Variants in SELE observed in about 807,000 individuals in gnomAD.
SELE encodes E-selectin.
In SELE, 52 loss-of-function variants were observed where a neutral mutation model predicts 75.8. The observed-to-expected ratio is 0.69, with a 90% CI of 0.55 to 0.86. The LOEUF (loss-of-function observed/expected upper bound fraction) is 0.86. Ranked by LOEUF, SELE falls within the 40% of genes least tolerant of loss-of-function variation. The pLI, the probability that SELE is intolerant of heterozygous loss-of-function variation, is 0.00. For synonymous variants in SELE, 285 were observed against 258.7 expected, an observed-to-expected ratio of 1.10 and a Z score of -0.98; for missense variants, 754 against 732.7, an observed-to-expected ratio of 1.03 and a Z score of -0.34.
chr1:169,728,129 A>C lies in SELE; in HGVS notation c.1208T>G (p.Val403Gly), dbSNP rs918712060. 2.5e-6 allele frequency: 4 copies of C among 1,614,156 alleles called. No individual in the cohort carries two copies. The highest frequency in any genetic ancestry group is 1.7e-6 in the Non-Finnish European group (2 of 1,180,014). Residue 403 changes from valine to glycine, a missense_variant, in exon 8 of 14, where the codon GTG (valine) becomes GGG (glycine). Physicochemically the swap from Val to Gly is moderately radical, Grantham distance 109. Coordinates refer to ENST00000333360, the MANE Select transcript of SELE (RefSeq NM_000450.2). ...TTGGAGCCTTTTGGATCCCTTCAAC[A>C]CAAAACCCTGCTCACAGGAGAACTC... ...SCEFSCEQGFVLKGSKRLQCG... is the reference protein window; with the variant it reads ...SCEFSCEQGFGLKGSKRLQCG...
rs1648779266 is a variant in SELE, at chr1:169,726,578, AT to A, written c.1753+120del. 3 of 743,018 alleles carry A rather than the reference AT, an allele frequency of 4.0e-6. No individual in the cohort carries two copies. In the Admixed American group the frequency reaches 7.0e-5, roughly 17 times the overall value. 46.0% of individuals were successfully genotyped at this position (743,018 alleles called of 1,614,324 possible). On this transcript the variant is annotated intron_variant, in intron 11 of 13. Transcript: ENST00000333360. ...CTTTTCTTAATACTTCTGCTTAATT[AT>A]ACTGCATTTTATCCAGATTCTAATT...
chr1:169,728,294 A>G (rs1648828058), intron 7 of SELE, 48 bp from the exon 8 acceptor site: 2 of 1,581,064 alleles, frequency 1.3e-6, no homozygotes, highest in East Asian at 4.5e-5. Flanking sequence ...GGAACTAGAG[A>G]GTACTTGGCG....
Position 169,727,410 on chromosome 1 carries a change from G to A in SELE, c.1584C>T (p.Gly528=), listed in dbSNP as rs554625694. 2.5e-5 allele frequency: 41 copies of A among 1,614,156 alleles called. No individual in the cohort carries two copies. In the South Asian group the frequency reaches 4.2e-4, roughly 16 times the overall value. The change falls in exon 10 of 14, where the codon GGC becomes GGT. Residue 528 remains glycine, a synonymous_variant. Transcript: ENST00000333360. ...TGGCTCCACATGTCCGAGCTGCAGA[G>A]CCATTGAGCGTCCATCCTTCAGGAC... The part of the protein sequence containing the change: ...FACPEGWTLN[G]SAARTCGATG...
At position 169,726,776 on chromosome 1, in the gene SELE, G is replaced by T; in HGVS notation, c.1676C>A (p.Ala559Asp). 1 of 1,613,564 alleles carries T rather than the reference G, an allele frequency of 6.2e-7. No individual in the cohort carries two copies. The highest frequency in any genetic ancestry group is 8.5e-7 in the Non-Finnish European group (1 of 1,179,720). ...GGAGAGTCCAGCAGCAGAAAGTCCA[G>T]CTACCAAGGGAATGTTGGACTCAGT... ...APTESNIPLV[A>D]GLSAAGLSLL... The change falls in exon 11 of 14, where the codon GCT (alanine) becomes GAT (aspartate). Residue 559 changes from alanine (A) to aspartate (D), a missense_variant. Physicochemically the swap from Ala to Asp is moderately radical, Grantham distance 126 (BLOSUM62 -2). Transcript: ENST00000333360.
At chr1:169,732,081 A>T (rs1429057832) in intron 3 of SELE, 139 bp from the exon 4 acceptor site, 2 of 533,098 alleles carry the variant, frequency 3.8e-6, no homozygotes, top group Non-Finnish European at 6.7e-6. Flanking sequence ...AGTGTTTTAC[A>T]AAGTTCCAAA....
chr1:169,732,030 A>C, intron 3 of SELE, 88 bp from the exon 4 acceptor site: 1 of 783,334 alleles, frequency 1.3e-6, no homozygotes, highest in Non-Finnish European at 2.2e-6. Flanking sequence ...TGTGCAACAG[A>C]GACATCAGCA....
Position 169,732,975 on chromosome 1 carries a change from C to T in SELE, c.61G>A (p.Ala21Thr), listed in dbSNP as rs3917407. 6 of 1,598,476 alleles carry T rather than the reference C, an allele frequency of 3.8e-6. No homozygotes were observed. The highest frequency in any genetic ancestry group is 4.5e-5 in the East Asian group (2 of 44,806). Residue 21 changes from alanine (A) to threonine (T), a missense_variant, in exon 3 of 14, where the codon GCC becomes ACC. Physicochemically the swap from Ala to Thr is moderately conservative, Grantham distance 58. Transcript: ENST00000333360. Reference protein sequence around the residue: ...TLVLLIKESGAWSYNTSTEAM... With the variant: ...TLVLLIKESGTWSYNTSTEAM... Reference sequence around the variant, plus strand: ...TCCGTGGAGGTGTTGTAAGACCAGGCTCCACTCTCTTTAATGAGAAGCACT... The same window carrying T: ...TCCGTGGAGGTGTTGTAAGACCAGGTTCCACTCTCTTTAATGAGAAGCACT...
At position 169,731,961 on chromosome 1, in the gene SELE, A is replaced by C. The variant is rs761832307; in HGVS notation, c.422-19T>G. On this transcript the variant is annotated intron_variant, in intron 3 of 13. Coordinates refer to ENST00000333360, the MANE Select transcript of SELE (RefSeq NM_000450.2). ...CAGGCAGCTACGGAAAATACAAAGC[A>C]TGATGAGGAGGACTATTACTGTGCT... is the stretch of plus-strand genomic sequence containing the variant. 8 of 1,519,692 alleles carry C rather than the reference A, an allele frequency of 5.3e-6. No homozygotes were observed. Among genetic ancestry groups the C allele is most frequent in the South Asian group, 1.1e-5 (1 of 88,922 alleles). The allele number at this position is 1,519,692 out of a possible 1,614,324, so 94.1% of individuals were successfully genotyped here. A position where few individuals can be genotyped will look rare whatever the true frequency, so the allele number is the denominator to read the frequency against.
intron 13 of SELE, 84 bp downstream of exon 13, chr1:169,725,645 T>G: frequency 2.7e-6 from 3 of 1,121,874 alleles, no homozygotes; most frequent in Non-Finnish European, 2.7e-6. Context: ...CCTAAGATAT[T>G]GGCAAGTTTG....
chr1:169,725,985 A>G, intron 11 of SELE, 57 bp from the exon 12 acceptor site: 9 of 1,591,210 alleles, frequency 5.7e-6, no homozygotes. Context: ...TTAAGGATAT[A>G]TTAAATCCAG....
Position 169,723,195 on chromosome 1 carries a change from T to C in SELE, c.*1330A>G, listed in dbSNP as rs868378497. 3 of 152,218 alleles carry C rather than the reference T, an allele frequency of 2.0e-5. No homozygotes were observed. The highest frequency in any genetic ancestry group is 2.9e-5 in the Non-Finnish European group (2 of 68,034). 9.4% of individuals were successfully genotyped at this position (152,218 alleles called of 1,614,324 possible). On this transcript the variant is annotated 3_prime_UTR_variant, in exon 14 of 14. Coordinates refer to ENST00000333360, the MANE Select transcript of SELE (RefSeq NM_000450.2). ...TGTTAAATCTGCTTATAAATAAACA[T>C]AAATGCTTGCTCACACAGGCATTCC...
intron 3 of SELE, 23 bp downstream of exon 3, chr1:169,732,592 C>T: frequency 1.3e-6 from 2 of 1,535,480 alleles, no homozygotes; most frequent in Non-Finnish European, 1.7e-6. Context: ...AACTACCTCC[C>T]ACTGCTGCCG....
At chr1:169,725,425 T>C (rs969994209) in intron 13 of SELE, among the ~76,000 whole-genome samples, 1 of 151,226 alleles carries the variant, frequency 6.6e-6, no homozygotes, top group Non-Finnish European at 1.5e-5. Context: ...ATAAGAAATA[T>C]AGTACCAGCC....
intron 3 of SELE, among the ~76,000 whole-genome samples, chr1:169,732,252 T>G (rs1403480034): frequency 6.6e-6 from 1 of 151,540 alleles, no homozygotes; most frequent in African/African-American, 2.4e-5. Flanking sequence ...CATTTTTATA[T>G]GTAAAGAACT....
chr1:169,733,040 G>C, intron 2 of SELE, 42 bp from the exon 3 acceptor site: 2 of 1,505,080 alleles, frequency 1.3e-6, no homozygotes, highest in Non-Finnish European at 1.8e-6. Flanking sequence ...GTTTGGTACT[G>C]TTGTGGTTTA....
chr1:169,727,256 G>T, intron 10 of SELE, 93 bp downstream of exon 10: 1 of 1,394,766 alleles, frequency 7.2e-7, no homozygotes, highest in Non-Finnish European at 9.7e-7. Flanking sequence ...GAACTTTCTG[G>T]TTTGGATATA....
intron 2 of SELE, among the ~76,000 whole-genome samples, chr1:169,733,314 A>T (rs1648964278): frequency 6.6e-6 from 1 of 152,216 alleles, no homozygotes; most frequent in Non-Finnish European, 1.5e-5. Context: ...TGTATGAGGT[A>T]CTTTCCATGA....
In SELE at chr1:169,729,585, A is replaced by C; in HGVS notation, c.804T>G (p.Cys268Trp). 1 of 1,614,198 alleles carries C rather than the reference A, an allele frequency of 6.2e-7. No individual in the cohort carries two copies. Among genetic ancestry groups the C allele is most frequent in the Non-Finnish European group, 8.5e-7 (1 of 1,180,026 alleles). The change falls in exon 6 of 14, where the codon TGT becomes TGG. Residue 268 changes from cysteine to tryptophan, a missense_variant. Transcript: ENST00000333360. ...NPGSFPWNTT[C>W]TFDCEEGFEL... ...CAAATCCTTCTTCACAGTCAAATGT[A>C]CAGGTTGTGTTCCATGGGAAGCTTC...
intron 10 of SELE, 21 bp downstream of exon 10, chr1:169,727,328 C>T (rs1301954431): frequency 1.3e-6 from 2 of 1,592,318 alleles, no homozygotes; most frequent in Admixed American, 3.5e-5. Flanking sequence ...ACCAGACAAC[C>T]ACCATCAATC....
Sources: allele counts gnomAD v4.1 joint callset (sites outside exome capture counted in the v4.1 genomes callset), GRCh38; gene constraint gnomAD v4.1.1; transcripts MANE v1.5; gene names NCBI Gene and HGNC (gene_info 2026-07-23, HGNC 2026-07-21).